The following LRRC4C variants were observed in gnomAD, a reference collection of about 807,000 sequenced individuals.
The protein encoded by LRRC4C is leucine rich repeat containing 4C, also known as leucine-rich repeat-containing protein 4C.
Under a neutral mutation model 33.6 loss-of-function variants are expected in LRRC4C, and 5 were observed. The ratio of observed to expected loss-of-function variants is 0.15; its 90% CI spans 0.08 to 0.31. The LOEUF is 0.31. LRRC4C is among the 10% of genes least tolerant of loss of function. LRRC4C has a pLI of 1.00. For synonymous variants in LRRC4C, 329 were observed against 302.0 expected (o/e 1.09, Z -0.93); for missense variants, 560 against 796.7 (o/e 0.70, Z 3.58).
At chr11:40,281,556 A>G (rs1943477717) in intron 4 of LRRC4C, among the ~76,000 whole-genome samples, 1 of 152,180 alleles carries the variant, frequency 6.6e-6, no homozygotes, top group Admixed American at 6.6e-5. Context: ...TACATTTTCA[A>G]GTGTCATGCA....
intron 1 of LRRC4C, among the ~76,000 whole-genome samples, chr11:41,431,624 T>C (rs1350439549): frequency 7.3e-6 from 1 of 136,408 alleles, no homozygotes; most frequent in East Asian, 2.0e-4. Context: ...AGAAGCAAGA[T>C]TTCTAAGAGT....
chr11:40,352,115 CTT>C (rs1947425116), intron 3 of LRRC4C, among the ~76,000 whole-genome samples: 6 of 6,854 alleles, frequency 8.8e-4, no homozygotes, highest in Admixed American at 7.7e-3. Flanking sequence ...TTCTTTCTTC[CTT>C]CCTTCCTTCC....
At chr11:40,686,120 G>A (rs753309388) in intron 2 of LRRC4C, among the ~76,000 whole-genome samples, 1 of 151,886 alleles carries the variant, frequency 6.6e-6, no homozygotes, top group Admixed American at 6.6e-5. Context: ...AAGACTTTGG[G>A]GTTTGAATTC....
At chr11:41,280,228 A>G (rs1305535617) in intron 1 of LRRC4C, among the ~76,000 whole-genome samples, 1 of 152,170 alleles carries the variant, frequency 6.6e-6, no homozygotes, top group African/African-American at 2.4e-5. Flanking sequence ...AGACTTCAGA[A>G]TTCTCACCAC....
intron 4 of LRRC4C, among the ~76,000 whole-genome samples, chr11:40,309,849 A>G (rs1355214778): frequency 6.6e-6 from 1 of 152,140 alleles, no homozygotes; most frequent in Non-Finnish European, 1.5e-5. Context: ...CAGAAGCAGG[A>G]AGAAGATATG....
rs1193786362 is a variant in LRRC4C at position 40,348,177 on chromosome 11, A to T, written c.-269-28456T>A. 3.3e-5 allele frequency among the ~76,000 whole-genome samples: 5 copies of T among 150,694 alleles called. No homozygotes were observed. In the Admixed American group the frequency reaches 3.3e-4, roughly 10 times the overall value. ...TAGAGTTTGAAATATTGTGAGAATT[A>T]TGAAAATGTGACACAGAGACATGTT... On this transcript the variant is annotated intron_variant, in intron 3 of 6. Coordinates refer to ENST00000528697, the MANE Select transcript of LRRC4C (RefSeq NM_001258419.2).
chr11:40,872,370 G>C (rs1565155375), intron 2 of LRRC4C, among the ~76,000 whole-genome samples: 1 of 151,726 alleles, frequency 6.6e-6, no homozygotes, highest in Admixed American at 6.6e-5. Context: ...CTATAATTGG[G>C]AGAACAGTTT....
chr11:40,179,874 G>A (rs1418619647), intron 5 of LRRC4C, among the ~76,000 whole-genome samples: 7 of 152,204 alleles, frequency 4.6e-5, no homozygotes, highest in Non-Finnish European at 1.0e-4. Context: ...TAACAATGTT[G>A]AGAATCTGTC....
At chr11:40,915,468 G>A (rs979632682) in intron 2 of LRRC4C, among the ~76,000 whole-genome samples, 4 of 152,146 alleles carry the variant, frequency 2.6e-5, no homozygotes, top group Admixed American at 2.6e-4. Context: ...TTTAATAAAT[G>A]GTGCTGGGAA....
intron 3 of LRRC4C, among the ~76,000 whole-genome samples, chr11:40,321,258 G>A (rs1054571821): frequency 6.6e-6 from 1 of 152,052 alleles, no homozygotes; most frequent in African/African-American, 2.4e-5. Flanking sequence ...TTAATTTGTT[G>A]TTGTCTTGAA....
At chr11:40,218,662 G>T (rs1466465399) in intron 5 of LRRC4C, among the ~76,000 whole-genome samples, 2 of 77,238 alleles carry the variant, frequency 2.6e-5, no homozygotes, top group Non-Finnish European at 3.4e-5. Flanking sequence ...ATCATCTATT[G>T]CCATAAAGAA....
chr11:40,140,392 T>C (rs1441389329), intron 6 of LRRC4C, among the ~76,000 whole-genome samples: 1 of 152,108 alleles, frequency 6.6e-6, no homozygotes, highest in Admixed American at 6.5e-5. Flanking sequence ...AATATTGCCA[T>C]GGGAGAACCA....
chr11:40,961,877 T>C (rs552731403), intron 1 of LRRC4C, among the ~76,000 whole-genome samples: 8 of 151,672 alleles, frequency 5.3e-5, no homozygotes, highest in Admixed American at 2.0e-4. Context: ...GCTGTGTGTT[T>C]AGGGTAGGGG....
intron 1 of LRRC4C, among the ~76,000 whole-genome samples, chr11:41,083,666 G>A (rs1005331463): frequency 1.7e-4 from 26 of 152,024 alleles, no homozygotes; most frequent in Admixed American, 5.2e-4. Flanking sequence ...ACTGTCAGGC[G>A]AAAAAAATTT....
intron 1 of LRRC4C, among the ~76,000 whole-genome samples, chr11:41,260,810 C>A (rs1209874019): frequency 6.6e-6 from 1 of 151,908 alleles, no homozygotes; most frequent in Non-Finnish European, 1.5e-5. Context: ...TCATTCATAC[C>A]ACAGAACTTG....
chr11:40,297,970 C>G (rs1365067024), intron 4 of LRRC4C, among the ~76,000 whole-genome samples: 4 of 152,164 alleles, frequency 2.6e-5, no homozygotes, highest in Admixed American at 6.5e-5. Flanking sequence ...CTATGTCCCC[C>G]CCAACCTCCA....
intron 3 of LRRC4C, among the ~76,000 whole-genome samples, chr11:40,591,430 A>C (rs1270311111): frequency 6.6e-6 from 1 of 151,962 alleles, no homozygotes; most frequent in Non-Finnish European, 1.5e-5. Flanking sequence ...TGCAGAAATC[A>C]CCCGTCTTCT....
intron 2 of LRRC4C, among the ~76,000 whole-genome samples, chr11:40,848,542 C>A (rs1294803896): frequency 6.6e-6 from 1 of 152,036 alleles, no homozygotes; most frequent in Non-Finnish European, 1.5e-5. Flanking sequence ...TTTGCATTTG[C>A]TGAGGAGTGT....
intron 1 of LRRC4C, among the ~76,000 whole-genome samples, chr11:41,432,326 G>A (rs559016226): frequency 4.1e-4 from 63 of 152,206 alleles, no homozygotes; most frequent in Non-Finnish European, 6.8e-4. Context: ...CGTGGGAGAG[G>A]TAACACAATA....
Sources: gnomAD v4.1 joint callset for allele counts (sites outside exome capture counted in the v4.1 genomes callset) on GRCh38, gnomAD v4.1.1 for gene constraint, MANE v1.5 for transcripts, NCBI Gene and HGNC (gene_info 2026-07-23, HGNC 2026-07-21) for gene names.